Variants in NSUN6 observed in about 807,000 individuals in gnomAD.
The protein encoded by NSUN6 is tRNA (cytosine(72)-C(5))-methyltransferase NSUN6.
NSUN6 carries 64 observed loss-of-function variants against 58.0 expected under a neutral mutation model. That is an observed-to-expected ratio of 1.10 (90% CI 0.90 to 1.36). The LOEUF (loss-of-function observed/expected upper bound fraction) is 1.36. Among genes scored for constraint, NSUN6 ranks in the 40% most tolerant of loss-of-function variants. NSUN6 has a pLI of 0.00. For missense variants in NSUN6, 701 were observed against 550.1 expected, an observed-to-expected ratio of 1.27 and a Z score of -2.74; for synonymous variants, 231 against 193.9, an observed-to-expected ratio of 1.19 and a Z score of -1.59.
At chr10:18,651,717 G>A (rs549342670), upstream of NSUN6, 3 of 985,548 alleles carry the variant, frequency 3.0e-6, no homozygotes, top group African/African-American at 3.5e-5. Context: ...CCAACACTGC[G>A]TTACGCTACG....
intron 6 of NSUN6, among the ~76,000 whole-genome samples, chr10:18,607,283 T>C (rs899726379): frequency 6.6e-6 from 1 of 152,250 alleles, no homozygotes; most frequent in Non-Finnish European, 1.5e-5. Context: ...TGAAACTTGT[T>C]CTATTTGTGA....
chr10:18,638,211 G>A (rs2059279294), intron 3 of NSUN6, among the ~76,000 whole-genome samples: 1 of 152,218 alleles, frequency 6.6e-6, no homozygotes, highest in Non-Finnish European at 1.5e-5. Context: ...GGGAGGCTGA[G>A]GTGGGTGGAT....
At chr10:18,638,234 C>T (rs575400996) in intron 3 of NSUN6, among the ~76,000 whole-genome samples, 1 of 152,052 alleles carries the variant, frequency 6.6e-6, no homozygotes, top group African/African-American at 2.4e-5. Context: ...CCTGAGGTCA[C>T]GAATTTGAGA....
chr10:18,591,860 C>G lies in NSUN6; in HGVS notation c.777+4348G>C, dbSNP rs185109620. On this transcript the variant is annotated intron_variant, in intron 7 of 10. Coordinates refer to ENST00000377304, the MANE Select transcript of NSUN6 (RefSeq NM_182543.5). ...CCTATTCAACATAGTATTGGAAGCT[C>G]TGGCCAGGCTAATCAGGCAAGAGAA... Among the ~76,000 whole-genome samples the G allele has an allele frequency of 1.0e-3, 158 of 152,246 alleles. 5 individuals are homozygous for G. The South Asian group carries it at 0.032, about 31-fold the overall frequency.
chr10:18,565,331 A>G (rs148484428), intron 8 of NSUN6, among the ~76,000 whole-genome samples: 58 of 144,612 alleles, frequency 4.0e-4, no homozygotes, highest in African/African-American at 1.5e-3. Flanking sequence ...TCTCCATTCC[A>G]TTCCCTTCCA....
chr10:18,647,389 A>C (rs1224331197), intron 2 of NSUN6, among the ~76,000 whole-genome samples: 1 of 152,208 alleles, frequency 6.6e-6, no homozygotes, highest in Admixed American at 6.5e-5. Context: ...TATACAATTT[A>C]TGTGGTACCT....
At chr10:18,625,724 A>ATTTT (rs1564819274) in intron 3 of NSUN6, among the ~76,000 whole-genome samples, 1 of 134,110 alleles carries the variant, frequency 7.5e-6, no homozygotes, top group East Asian at 2.1e-4. Context: ...TTTTTTTAAA[A>ATTTT]AAAAAAAAAA....
At chr10:18,565,080 C>T (rs527678515) in intron 8 of NSUN6, among the ~76,000 whole-genome samples, 27 of 151,030 alleles carry the variant, frequency 1.8e-4, no homozygotes, top group African/African-American at 6.5e-4. Context: ...CCTTTCCATT[C>T]TCCATTACAT....
At chr10:18,588,996 C>A (rs961995146) in intron 7 of NSUN6, among the ~76,000 whole-genome samples, 2 of 152,074 alleles carry the variant, frequency 1.3e-5, no homozygotes, top group Non-Finnish European at 2.9e-5. Flanking sequence ...TGTTCTAACC[C>A]AATGCAAGGA....
At chr10:18,553,126 C>G (rs917783123) in intron 8 of NSUN6, among the ~76,000 whole-genome samples, 18 of 151,486 alleles carry the variant, frequency 1.2e-4, no homozygotes, top group African/African-American at 4.4e-4. Flanking sequence ...GTTCGATTCT[C>G]CATTCCATTC....
intron 8 of NSUN6, among the ~76,000 whole-genome samples, chr10:18,554,483 G>T (rs1278836974): frequency 1.7e-4 from 26 of 151,490 alleles, no homozygotes; most frequent in Non-Finnish European, 2.4e-4. Flanking sequence ...GTGGAGAATG[G>T]AATGAAAGGG....
upstream of NSUN6, among the ~76,000 whole-genome samples, chr10:18,657,849 T>C (rs968542282): frequency 2.0e-5 from 3 of 152,094 alleles, no homozygotes; most frequent in African/African-American, 7.2e-5. Context: ...CTTGACTTCG[T>C]GATCCACCCG....
chr10:18,598,597 G>C (rs566496317), intron 6 of NSUN6, among the ~76,000 whole-genome samples: 1 of 151,714 alleles, frequency 6.6e-6, no homozygotes, highest in African/African-American at 2.4e-5. Flanking sequence ...TCAGCCTCCC[G>C]AATGGCTGGG....
At chr10:18,591,772 G>A (rs991385700) in intron 7 of NSUN6, among the ~76,000 whole-genome samples, 1 of 152,118 alleles carries the variant, frequency 6.6e-6, no homozygotes, top group Non-Finnish European at 1.5e-5. Flanking sequence ...TACCGAATGG[G>A]CAAAAGCTGG....
rs1554848038 is a variant in NSUN6, at chr10:18,551,293, G to GT, written c.1071+529dup. 5.5e-5 allele frequency among the ~76,000 whole-genome samples: 3 copies of GT among 54,062 alleles called. No individual in the cohort carries two copies. The South Asian group carries it at 1.6e-3, about 29-fold the overall frequency. 35.5% of individuals were successfully genotyped at this position (54,062 alleles called of 152,430 possible). On this transcript the variant is annotated intron_variant, in intron 9 of 10. Coordinates refer to ENST00000377304, the MANE Select transcript of NSUN6 (RefSeq NM_182543.5). Reference sequence around the variant, plus strand: ...GTGTGTGTGTGTGTGTGTGTGTGTGGTAAAATATAAATAACATAAAATTTA... The same window carrying GT: ...GTGTGTGTGTGTGTGTGTGTGTGTGGTTAAAATATAAATAACATAAAATTTA...
At chr10:18,642,991 T>C (rs1386500857) in intron 2 of NSUN6, among the ~76,000 whole-genome samples, 1 of 151,930 alleles carries the variant, frequency 6.6e-6, no homozygotes, top group Non-Finnish European at 1.5e-5. Flanking sequence ...AAGAAATGTT[T>C]ATGGTAGAGG....
chr10:18,557,906 T>C (rs2055167531), intron 8 of NSUN6, among the ~76,000 whole-genome samples: 1 of 150,560 alleles, frequency 6.6e-6, no homozygotes, highest in Non-Finnish European at 1.5e-5. Context: ...AAGAATGGAA[T>C]GGAGAATGGT....
chr10:18,623,506 G>T (rs1194343338), intron 3 of NSUN6, among the ~76,000 whole-genome samples: 3 of 152,146 alleles, frequency 2.0e-5, no homozygotes, highest in East Asian at 1.9e-4. Context: ...GAGGCTCCTG[G>T]AGGCTTAATC....
chr10:18,546,274 T>C (rs564963013), intron 10 of NSUN6, 129 bp from the exon 11 acceptor site: 6 of 721,448 alleles, frequency 8.3e-6, no homozygotes, highest in Admixed American at 6.3e-5. Context: ...AATGAGTAAA[T>C]GCCTTTCATT....
Sources: allele counts gnomAD v4.1 joint callset (sites outside exome capture counted in the v4.1 genomes callset), GRCh38; gene constraint gnomAD v4.1.1; transcripts MANE v1.5; gene names NCBI Gene and HGNC (gene_info 2026-07-23, HGNC 2026-07-21).